Variants in ADARB1 observed in about 807,000 individuals in gnomAD.
ADARB1 encodes adenosine deaminase RNA specific B1.
ADARB1 carries 10 observed loss-of-function variants against 52.4 expected under a neutral mutation model. The observed-to-expected ratio is 0.19, with a 90% CI of 0.12 to 0.32. ADARB1 has a LOEUF of 0.32. ADARB1 is among the 10% of genes least tolerant of loss of function. The pLI, the probability that ADARB1 is intolerant of heterozygous loss-of-function variation, is 1.00. For missense variants in ADARB1, 643 were observed against 922.3 expected (o/e 0.70, Z 3.92); for synonymous variants, 349 against 371.1 (o/e 0.94, Z 0.68).
chr21:45,086,658 A>G (rs959937125), intron 1 of ADARB1, among the ~76,000 whole-genome samples: 4 of 152,204 alleles, frequency 2.6e-5, no homozygotes, highest in Non-Finnish European at 5.9e-5. Context: ...AGAACATATC[A>G]GTAATTTGTT....
In ADARB1 at chr21:45,083,157, C is replaced by T. The variant is rs191256030; in HGVS notation, c.-220+8364C>T. ...TTGCTCTGAATCTGTCCTGAGGGCT[C>T]GGAGCAATGCCTGGTAGATAGACAC... On this transcript the variant is annotated intron_variant, in intron 1 of 10. Transcript: ENST00000348831. Among the ~76,000 whole-genome samples, 28 of 152,318 alleles carry T rather than the reference C, an allele frequency of 1.8e-4. No individual in the cohort carries two copies. The East Asian group carries it at 5.2e-3, about 28-fold the overall frequency.
At chr21:45,214,850 T>C (rs936246535) in intron 9 of ADARB1, among the ~76,000 whole-genome samples, 5 of 152,250 alleles carry the variant, frequency 3.3e-5, no homozygotes, top group Admixed American at 2.6e-4. Flanking sequence ...TTGTCTTGGC[T>C]GCTTAGGTCC....
In ADARB1 at chr21:45,172,514, C is replaced by T. The variant is rs542019726; in HGVS notation, c.28+830C>T. The stretch of plus-strand genomic sequence containing the variant: ...CTTTCCCTTTGACTTTACGCACAAC[C>T]GATGATCTGGGGTCTTGGAGTCACT... On this transcript the variant is annotated intron_variant, in intron 3 of 10. Coordinates refer to ENST00000348831, the MANE Select transcript of ADARB1 (RefSeq NM_001112.4). This position sits in a 1 kb window ranked among gnomAD's most constrained non-coding sequence, Gnocchi z 4.4. 2.0e-5 allele frequency among the ~76,000 whole-genome samples: 3 copies of T among 152,276 alleles called. No homozygotes were observed. Among genetic ancestry groups the T allele is most frequent in the Non-Finnish European group, 2.9e-5 (2 of 68,020 alleles).
rs113840856 is a variant in ADARB1, at chr21:45,087,899, AT to A, written c.-220+13113del. On this transcript the variant is annotated intron_variant, in intron 1 of 10. Coordinates refer to ENST00000348831, the MANE Select transcript of ADARB1 (RefSeq NM_001112.4). ...AGAGAACTGTACAAAATAGTAGTAA[AT>A]TTTTTTCTCAGTGTTAATGGTGAGC... Among the ~76,000 whole-genome samples, 813 of 152,176 alleles carry A rather than the reference AT, an allele frequency of 5.3e-3. 12 individuals carry two copies. Among genetic ancestry groups the A allele is most frequent in the African/African-American group, 0.018 (765 of 41,516 alleles).
chr21:45,211,437 G>A (rs1321659490), intron 9 of ADARB1, among the ~76,000 whole-genome samples: 2 of 152,150 alleles, frequency 1.3e-5, no homozygotes, highest in African/African-American at 4.8e-5. Flanking sequence ...ACTTTCAGTC[G>A]AGATTGTAAG....
chr21:45,124,248 G>A (rs1485683120), intron 1 of ADARB1, among the ~76,000 whole-genome samples: 6 of 152,166 alleles, frequency 3.9e-5, no homozygotes, highest in Non-Finnish European at 7.4e-5. Context: ...GAAGTGTCTT[G>A]TTGAATGTTG....
At chr21:45,081,029 T>C (rs1177212763) in intron 1 of ADARB1, among the ~76,000 whole-genome samples, 1 of 152,184 alleles carries the variant, frequency 6.6e-6, no homozygotes, top group Non-Finnish European at 1.5e-5. Flanking sequence ...ATCTTCTCAG[T>C]AGTTCAGCCA....
At chr21:45,167,226 G>T (rs762551111) in intron 2 of ADARB1, among the ~76,000 whole-genome samples, 1 of 152,172 alleles carries the variant, frequency 6.6e-6, no homozygotes, top group Non-Finnish European at 1.5e-5. Flanking sequence ...CCTTTTAAAA[G>T]AATTTTAATA....
intron 1 of ADARB1, among the ~76,000 whole-genome samples, chr21:45,097,628 T>A (rs1270630196): frequency 6.6e-6 from 1 of 152,016 alleles, no homozygotes; most frequent in Admixed American, 6.5e-5. Flanking sequence ...TGAGGATGCC[T>A]GGGTGCTGGC....
At chr21:45,136,143 C>T (rs915107513) in intron 2 of ADARB1, among the ~76,000 whole-genome samples, 2 of 152,056 alleles carry the variant, frequency 1.3e-5, no homozygotes, top group Admixed American at 6.5e-5. Context: ...ACTCCCTCCC[C>T]TTCTTGGTGG....
chr21:45,155,831 C>A (rs1485954890), intron 2 of ADARB1, among the ~76,000 whole-genome samples: 1 of 138,282 alleles, frequency 7.2e-6, no homozygotes, highest in African/African-American at 2.7e-5. Context: ...ATCATCCATC[C>A]ATCCATCCAC....
At chr21:45,197,316 A>G (rs1190292276) in intron 8 of ADARB1, among the ~76,000 whole-genome samples, 1 of 152,168 alleles carries the variant, frequency 6.6e-6, no homozygotes, top group Non-Finnish European at 1.5e-5. Context: ...CCTGGCCAGT[A>G]TGGTGAAACC....
chr21:45,124,741 A>C (rs2088451264), intron 1 of ADARB1, among the ~76,000 whole-genome samples: 1 of 107,948 alleles, frequency 9.3e-6, no homozygotes, highest in Non-Finnish European at 1.8e-5. Context: ...AGTGTTAATA[A>C]GTTGTATTTC....
At chr21:45,096,832 C>T (rs937175314) in intron 1 of ADARB1, among the ~76,000 whole-genome samples, 2 of 152,194 alleles carry the variant, frequency 1.3e-5, no homozygotes, top group African/African-American at 2.4e-5. Flanking sequence ...CTCTGCCTCC[C>T]GGGTTCACAC....
chr21:45,141,202 A>G (rs1404476888), intron 2 of ADARB1, among the ~76,000 whole-genome samples: 1 of 152,244 alleles, frequency 6.6e-6, no homozygotes, highest in Admixed American at 6.5e-5. Flanking sequence ...TCTCAAAAAA[A>G]AAAGTTGTGA....
At chr21:45,106,761 G>C (rs1381332315) in intron 1 of ADARB1, among the ~76,000 whole-genome samples, 1 of 152,180 alleles carries the variant, frequency 6.6e-6, no homozygotes. Flanking sequence ...CACTTTTGGG[G>C]TGCAAATTTG....
At chr21:45,099,237 CTG>C (rs1335364602) in intron 1 of ADARB1, among the ~76,000 whole-genome samples, 1 of 152,190 alleles carries the variant, frequency 6.6e-6, no homozygotes, top group African/African-American at 2.4e-5. Context: ...GACCGGGGAA[CTG>C]TAATTTCCTG....
At chr21:45,089,105 G>A (rs1000936750) in intron 1 of ADARB1, among the ~76,000 whole-genome samples, 4 of 152,150 alleles carry the variant, frequency 2.6e-5, no homozygotes, top group African/African-American at 7.2e-5. Flanking sequence ...ATTCAGATGA[G>A]GTCTGTGGTG....
intron 2 of ADARB1, chr21:45,134,957 C>A: frequency 2.6e-6 from 1 of 390,894 alleles, no homozygotes; most frequent in Non-Finnish European, 5.2e-6. Flanking sequence ...GGTGGGTCTC[C>A]TGGGGCAGGG....
Sources: allele counts gnomAD v4.1 joint callset (sites outside exome capture counted in the v4.1 genomes callset), GRCh38; gene constraint gnomAD v4.1.1; non-coding constraint Gnocchi (gnomAD v3.1); transcripts MANE v1.5; gene names NCBI Gene and HGNC (gene_info 2026-07-23, HGNC 2026-07-21).